Variants in MAML2 observed in about 807,000 individuals in gnomAD.
MAML2 encodes the protein mastermind like transcriptional coactivator 2.
Under a neutral mutation model 96.1 loss-of-function variants are expected in MAML2, and 22 were observed. That is an observed-to-expected ratio of 0.23 (90% CI 0.16 to 0.33). The LOEUF is 0.33. Among genes scored for constraint, MAML2 ranks in the 10% least tolerant of loss-of-function variants. MAML2 has a pLI of 1.00. For missense variants in MAML2, 1,367 were observed against 1,392.4 expected, an observed-to-expected ratio of 0.98 and a Z score of 0.29; for synonymous variants, 561 against 521.3, an observed-to-expected ratio of 1.08 and a Z score of -1.04.
At chr11:96,324,321 A>T (rs754368963) in intron 1 of MAML2, among the ~76,000 whole-genome samples, 25 of 152,234 alleles carry the variant, frequency 1.6e-4, no homozygotes, top group Non-Finnish European at 3.1e-4. Flanking sequence ...AATTGCAAAG[A>T]TATGTTAACA....
chr11:96,057,457 A>G (rs1859088009), intron 2 of MAML2, among the ~76,000 whole-genome samples: 1 of 152,192 alleles, frequency 6.6e-6, no homozygotes, highest in Non-Finnish European at 1.5e-5. Flanking sequence ...ATCCAAAAAC[A>G]AACAACCTCA....
At chr11:96,263,742 G>C (rs940312363) in intron 1 of MAML2, among the ~76,000 whole-genome samples, 1 of 152,224 alleles carries the variant, frequency 6.6e-6, no homozygotes, top group Non-Finnish European at 1.5e-5. Flanking sequence ...ATGGAGGGGG[G>C]CTGGTGGGAC....
intron 1 of MAML2, among the ~76,000 whole-genome samples, chr11:96,155,546 A>ATATATATATG: frequency 8.5e-6 from 1 of 117,280 alleles, no homozygotes; most frequent in Non-Finnish European, 1.8e-5. Context: ...ATATATATAT[A>ATATATATATG]TATATGAGGA....
At chr11:96,163,862 CTTTT>C (rs67666403) in intron 1 of MAML2, among the ~76,000 whole-genome samples, 18 of 122,284 alleles carry the variant, frequency 1.5e-4, no homozygotes, top group Non-Finnish European at 1.5e-4. Flanking sequence ...TTCTCTCTTT[CTTTT>C]TTTTTTTTTT....
intron 1 of MAML2, among the ~76,000 whole-genome samples, chr11:96,324,874 A>G (rs941707712): frequency 5.9e-5 from 9 of 152,204 alleles, no homozygotes; most frequent in African/African-American, 2.2e-4. Context: ...TCTCTTCATA[A>G]TGACCTTGTA....
At chr11:96,221,913 T>C (rs1406688593) in intron 1 of MAML2, among the ~76,000 whole-genome samples, 3 of 152,186 alleles carry the variant, frequency 2.0e-5, no homozygotes, top group Admixed American at 1.3e-4. Context: ...GTGTTTCTAC[T>C]CTGTACGGTT....
At chr11:96,032,995 A>T (rs1858643459) in intron 2 of MAML2, among the ~76,000 whole-genome samples, 1 of 152,240 alleles carries the variant, frequency 6.6e-6, no homozygotes, top group East Asian at 1.9e-4. Context: ...TGGGGCACTT[A>T]CATACCCAAA....
At chr11:96,315,777 T>G (rs113377069) in intron 1 of MAML2, among the ~76,000 whole-genome samples, 1 of 152,220 alleles carries the variant, frequency 6.6e-6, no homozygotes, top group African/African-American at 2.4e-5. Flanking sequence ...AGCCAGGCTA[T>G]GCATCCAGTC....
chr11:96,093,528 G>A lies in MAML2; in HGVS notation c.514-11C>T. 2 of 1,546,158 alleles carry A rather than the reference G, an allele frequency of 1.3e-6. No homozygotes were observed. Among genetic ancestry groups the A allele is most frequent in the Non-Finnish European group, 1.8e-6 (2 of 1,141,294 alleles). The stretch of plus-strand genomic sequence containing the variant: ...CAAGGAACCCTGGAGCTGAAAGACA[G>A]AAGGGAATAAAAAGGAAAAATAAGA... On this transcript the variant is annotated splice_polypyrimidine_tract_variant and intron_variant, in intron 1 of 4. Transcript: ENST00000524717.
intron 1 of MAML2, among the ~76,000 whole-genome samples, chr11:96,165,467 A>C (rs1861176277): frequency 6.6e-6 from 1 of 152,238 alleles, no homozygotes; most frequent in Non-Finnish European, 1.5e-5. Flanking sequence ...TGTGGCATAC[A>C]ACAGACATTA....
chr11:96,217,183 A>G (rs1409658679), intron 1 of MAML2, among the ~76,000 whole-genome samples: 2 of 152,192 alleles, frequency 1.3e-5, no homozygotes, highest in Non-Finnish European at 2.9e-5. Flanking sequence ...CTATTTCACA[A>G]TTGATCAATT....
At chr11:96,039,762 T>C (rs1858777605) in intron 2 of MAML2, among the ~76,000 whole-genome samples, 1 of 152,070 alleles carries the variant, frequency 6.6e-6, no homozygotes, top group Middle Eastern at 3.4e-3. Context: ...CTGGCTAACA[T>C]GGTGAAACCC....
chr11:96,117,345 G>C (rs111816589), intron 1 of MAML2, among the ~76,000 whole-genome samples: 2,531 of 151,394 alleles, frequency 0.017, 36 homozygotes, highest in Non-Finnish European at 0.023. Flanking sequence ...GCCTAGGCTG[G>C]AGTACAGTGG....
Position 96,098,468 on chromosome 11 carries a change from T to C in MAML2, c.514-4951A>G, listed in dbSNP as rs186875147. 8.5e-5 allele frequency among the ~76,000 whole-genome samples: 13 copies of C among 152,302 alleles called. No homozygotes were observed. The East Asian group carries it at 1.7e-3, about 20-fold the overall frequency. ...GATAAATCTGTGCCCCACAATTACGTTTAATTCATGAGACTGTGCATTTAA... is the reference window on the plus strand; with the variant it reads ...GATAAATCTGTGCCCCACAATTACGCTTAATTCATGAGACTGTGCATTTAA... On this transcript the variant is annotated intron_variant, in intron 1 of 4. Coordinates refer to ENST00000524717, the MANE Select transcript of MAML2 (RefSeq NM_032427.4).
chr11:95,988,527 T>A (rs1857864056), intron 3 of MAML2, among the ~76,000 whole-genome samples: 1 of 147,710 alleles, frequency 6.8e-6, no homozygotes, highest in African/African-American at 2.5e-5. Context: ...TATATATATA[T>A]AATATTTATA....
intron 1 of MAML2, among the ~76,000 whole-genome samples, chr11:96,179,495 T>C (rs1455901645): frequency 6.6e-6 from 1 of 152,130 alleles, no homozygotes; most frequent in Non-Finnish European, 1.5e-5. Flanking sequence ...TAGGAAAGAA[T>C]GTAAGATGAA....
chr11:96,174,529 AC>A (rs1861352163), intron 1 of MAML2, among the ~76,000 whole-genome samples: 1 of 152,084 alleles, frequency 6.6e-6, no homozygotes, highest in Non-Finnish European at 1.5e-5. Flanking sequence ...GATTACAGGC[AC>A]CCGCCGCCAT....
intron 1 of MAML2, among the ~76,000 whole-genome samples, chr11:96,328,427 G>C (rs887683876): frequency 5.9e-5 from 9 of 151,982 alleles, no homozygotes; most frequent in African/African-American, 1.7e-4. Context: ...GAAATAAAAT[G>C]GCAACCACAA....
intron 1 of MAML2, among the ~76,000 whole-genome samples, chr11:96,302,416 G>C (rs573325307): frequency 6.6e-6 from 1 of 152,200 alleles, no homozygotes; most frequent in Non-Finnish European, 1.5e-5. Flanking sequence ...ATTCCCAAGG[G>C]AGCCACCCCT....
Sources: gnomAD v4.1 joint callset for allele counts (sites outside exome capture counted in the v4.1 genomes callset) on GRCh38, gnomAD v4.1.1 for gene constraint, MANE v1.5 for transcripts, NCBI Gene and HGNC (gene_info 2026-07-23, HGNC 2026-07-21) for gene names.